The following USP42 variants were observed in gnomAD, a reference collection of about 807,000 sequenced individuals.
USP42 encodes ubiquitin carboxyl-terminal hydrolase 42.
Under a neutral mutation model 113.0 loss-of-function variants are expected in USP42, and 23 were observed. That is an observed-to-expected ratio of 0.20 (90% CI 0.15 to 0.29). USP42 has a LOEUF of 0.29. USP42 is among the 10% of genes least tolerant of loss of function. USP42 has a pLI of 1.00. For missense variants in USP42, 2,174 were observed against 1,779.8 expected (o/e 1.22, Z -3.99); for synonymous variants, 933 against 699.0 (o/e 1.33, Z -5.28).
chr7:6,123,798 A>G (rs1432292693), intron 3 of USP42, among the ~76,000 whole-genome samples: 1 of 144,120 alleles, frequency 6.9e-6, no homozygotes, highest in East Asian at 2.3e-4. Context: ...ATGCCACTGT[A>G]CTCCAACCAG....
intron 3 of USP42, among the ~76,000 whole-genome samples, chr7:6,123,584 C>A (rs1420606623): frequency 1.3e-5 from 2 of 152,038 alleles, no homozygotes; most frequent in African/African-American, 4.8e-5. Context: ...ATGGCATAAA[C>A]CCCGGGAGGC....
At chr7:6,116,094 A>G (rs1335717912) in intron 3 of USP42, among the ~76,000 whole-genome samples, 1 of 131,882 alleles carries the variant, frequency 7.6e-6, no homozygotes, top group Non-Finnish European at 1.6e-5. Context: ...ACAGAAAGAG[A>G]CCCTGTCTCA....
chr7:6,111,377 A>G lies in USP42; in HGVS notation c.241+3A>G, dbSNP rs1779588201. ...ACCATCACCACAAAAGGATCAAGGT[A>G]CTGTTTTTCAAAAGAGAGAATTACC... is the stretch of plus-strand genomic sequence containing the variant. On this transcript the variant is annotated splice_donor_region_variant and intron_variant, in intron 2 of 17. Transcript: ENST00000306177. 2 of 1,607,204 alleles carry G rather than the reference A, an allele frequency of 1.2e-6. No individual in the cohort carries two copies. The highest frequency in any genetic ancestry group is 1.7e-6 in the Non-Finnish European group (2 of 1,174,956).
intron 3 of USP42, among the ~76,000 whole-genome samples, chr7:6,133,075 G>A (rs1780939100): frequency 6.6e-6 from 1 of 152,142 alleles, no homozygotes; most frequent in Admixed American, 6.5e-5. Context: ...AATTTGTTGA[G>A]GTTCTTAGAT....
At chr7:6,121,639 G>C (rs1206726600) in intron 3 of USP42, among the ~76,000 whole-genome samples, 2 of 152,044 alleles carry the variant, frequency 1.3e-5, no homozygotes, top group Non-Finnish European at 2.9e-5. Context: ...TTTCTCATGG[G>C]CAGGTTTTAA....
At chr7:6,140,788 T>G (rs1482317176) in intron 6 of USP42, 126 bp from the exon 7 acceptor site, 2 of 608,778 alleles carry the variant, frequency 3.3e-6, no homozygotes, top group South Asian at 2.0e-5. Context: ...ACTTTTTTTG[T>G]TCAATTGATA....
intron 3 of USP42, among the ~76,000 whole-genome samples, chr7:6,134,697 A>G (rs1424130188): frequency 6.6e-6 from 1 of 152,194 alleles, no homozygotes. Context: ...ACATTTTTAG[A>G]AAGTTGTCAA....
intron 2 of USP42, chr7:6,111,764 G>T: frequency 7.0e-6 from 1 of 143,264 alleles, no homozygotes; most frequent in Non-Finnish European, 1.4e-5. Context: ...CACCAAGCCC[G>T]GCTAATTTTT....
chr7:6,140,329 C>G, intron 6 of USP42, 134 bp downstream of exon 6: 2 of 790,144 alleles, frequency 2.5e-6, no homozygotes, highest in Non-Finnish European at 4.1e-6. Flanking sequence ...TTCCTTTTAC[C>G]CAGAGGCAGC....
At position 6,150,126 on chromosome 7, in the gene USP42, G is replaced by A. The variant is rs1222673983; in HGVS notation, c.1930G>A (p.Glu644Lys). ...CTCTCCCGGCCAAGATGCCGAAGAT[G>A]AGGAGGCCACTCCGCACGAGCTTCA... is the stretch of plus-strand genomic sequence containing the variant. ...SHSPGQDAEDEEATPHELQEP... is the reference protein window; with the variant it reads ...SHSPGQDAEDKEATPHELQEP... Residue 644 changes from glutamate (E) to lysine (K), a missense_variant, in exon 13 of 18, where the codon GAG (glutamate) becomes AAG (lysine). By Grantham distance (56) the Glu-to-Lys change is moderately conservative (BLOSUM62 1). Transcript: ENST00000306177. 5 of 1,613,142 alleles carry A rather than the reference G, an allele frequency of 3.1e-6. No individual in the cohort carries two copies. The highest frequency in any genetic ancestry group is 4.2e-6 in the Non-Finnish European group (5 of 1,179,480).
chr7:6,091,899 C>T, the USP42 span, among the ~76,000 whole-genome samples: 8 of 150,872 alleles, frequency 5.3e-5, no homozygotes, highest in South Asian at 4.2e-4. Flanking sequence ...GGCATTTCTT[C>T]CTGAAATGCT....
chr7:6,126,223 G>A (rs1037795300), intron 3 of USP42, among the ~76,000 whole-genome samples: 2 of 151,572 alleles, frequency 1.3e-5, no homozygotes, highest in East Asian at 1.9e-4. Flanking sequence ...GATCCAGGTC[G>A]TTGCATGTAT....
intron 2 of USP42, among the ~76,000 whole-genome samples, chr7:6,114,656 G>GTGTATATA (rs1187768774): frequency 1.0e-3 from 62 of 60,570 alleles, no homozygotes; most frequent in African/African-American, 4.4e-3. Context: ...ATGTGTGTGT[G>GTGTATATA]TATATATATA....
chr7:6,130,261 A>C (rs1780779394), intron 3 of USP42, among the ~76,000 whole-genome samples: 1 of 152,232 alleles, frequency 6.6e-6, no homozygotes, highest in Non-Finnish European at 1.5e-5. Flanking sequence ...ATGGAGTAGA[A>C]GCCCACATTC....
rs1222655937 is a variant in USP42 at position 6,150,197 on chromosome 7, T to C, written c.2001T>C (p.Ser667=). ...LNGANSADSD[S]DPKENGLAPD... ...GTGCTAATAGTGCAGACAGCGACAG[T>C]GACCCGAAAGAAAACGGCCTAGCGC... is the stretch of plus-strand genomic sequence containing the variant. The change falls in exon 13 of 18, where the codon AGT becomes AGC. Residue 667 remains serine, a synonymous_variant. Coordinates refer to ENST00000306177, the MANE Select transcript of USP42 (RefSeq NM_032172.3). 1.9e-6 allele frequency: 3 copies of C among 1,613,890 alleles called. No homozygotes were observed. Among genetic ancestry groups the C allele is most frequent in the South Asian group, 2.2e-5 (2 of 91,082 alleles).
At chr7:6,090,302 A>G in the USP42 span, among the ~76,000 whole-genome samples, 3 of 49,998 alleles carry the variant, frequency 6.0e-5, no homozygotes, top group East Asian at 7.5e-4. Flanking sequence ...CTCTGTCTCA[A>G]AAAAAAAAAA....
In USP42 at chr7:6,138,841, C is replaced by G. The variant is rs141470357; in HGVS notation, c.554-251C>G. ...GCTGGAACAATTTCATCCCAACCCC[C>G]TCTTCTGGTCTGTGGAAAAATGGTC... On this transcript the variant is annotated intron_variant, in intron 4 of 17. Coordinates refer to ENST00000306177, the MANE Select transcript of USP42 (RefSeq NM_032172.3). Among the ~76,000 whole-genome samples the G allele has an allele frequency of 3.9e-5, 6 of 152,188 alleles. No homozygotes were observed. The East Asian group carries it at 1.2e-3, about 29-fold the overall frequency.
chr7:6,153,015 A>T (rs1782162244), intron 14 of USP42: 3 of 952,652 alleles, frequency 3.1e-6, no homozygotes, highest in Non-Finnish European at 3.7e-6. Flanking sequence ...TCACGCCTGT[A>T]ATCCCAGCAC....
intron 4 of USP42, among the ~76,000 whole-genome samples, chr7:6,137,166 G>T (rs1781194666): frequency 6.6e-6 from 1 of 152,056 alleles, no homozygotes; most frequent in Non-Finnish European, 1.5e-5. Flanking sequence ...GTAATTATAG[G>T]GATGTGTAAT....
Sources: gnomAD v4.1 joint callset for allele counts (sites outside exome capture counted in the v4.1 genomes callset) on GRCh38, gnomAD v4.1.1 for gene constraint, MANE v1.5 for transcripts, NCBI Gene and HGNC (gene_info 2026-07-23, HGNC 2026-07-21) for gene names.